The following STK32A variants were observed in gnomAD, a reference collection of about 807,000 sequenced individuals.
STK32A encodes serine/threonine-protein kinase 32A.
STK32A carries 41 observed loss-of-function variants against 53.2 expected under a neutral mutation model. That is an observed-to-expected ratio of 0.77 (90% confidence interval 0.60 to 1.00). The LOEUF (loss-of-function observed/expected upper bound fraction) is 1.00. Among genes scored for constraint, STK32A ranks in the 50% least tolerant of loss-of-function variants. The pLI is 0.00. For synonymous variants in STK32A, 166 were observed against 162.8 expected (o/e 1.02, Z -0.15); for missense variants, 458 against 485.8 (o/e 0.94, Z 0.54).
chr5:147,272,012 G>C (rs1382831928), intron 2 of STK32A, among the ~76,000 whole-genome samples: 4 of 152,094 alleles, frequency 2.6e-5, no homozygotes, highest in African/African-American at 9.7e-5. Flanking sequence ...TGGTTTTACA[G>C]CTCGGGGGCA....
At chr5:147,302,832 C>G (rs115779465) in intron 4 of STK32A, among the ~76,000 whole-genome samples, 159 of 152,194 alleles carry the variant, frequency 1.0e-3, no homozygotes, top group African/African-American at 3.6e-3. Context: ...TTATTTTATA[C>G]TTATATTATT....
At chr5:147,340,077 C>T (rs1755330245) in intron 5 of STK32A, among the ~76,000 whole-genome samples, 1 of 152,140 alleles carries the variant, frequency 6.6e-6, no homozygotes, top group African/African-American at 2.4e-5. Flanking sequence ...TGTCATGGTG[C>T]TAGTGAGAGT....
intron 4 of STK32A, among the ~76,000 whole-genome samples, chr5:147,285,269 G>A (rs528635692): frequency 5.4e-4 from 82 of 152,224 alleles, no homozygotes; most frequent in African/African-American, 1.8e-3. Context: ...AATGAAACTG[G>A]ATCGTCATCT....
intron 11 of STK32A, among the ~76,000 whole-genome samples, chr5:147,380,365 C>T (rs1469076707): frequency 1.3e-5 from 2 of 152,046 alleles, no homozygotes. Context: ...TCTTGTTCCC[C>T]ATCTCTCTTC....
intron 5 of STK32A, among the ~76,000 whole-genome samples, chr5:147,338,097 T>C (rs983697136): frequency 5.9e-5 from 9 of 152,208 alleles, no homozygotes; most frequent in Admixed American, 2.6e-4. Flanking sequence ...GCTTATGATA[T>C]GGATGTGTTT....
chr5:147,360,967 G>A (rs1756479152), intron 7 of STK32A, among the ~76,000 whole-genome samples: 1 of 152,126 alleles, frequency 6.6e-6, no homozygotes, highest in Non-Finnish European at 1.5e-5. Context: ...AGAACCCACA[G>A]CTGTTGTAAA....
chr5:147,238,766 T>C (rs919777005), intron 1 of STK32A, among the ~76,000 whole-genome samples: 6 of 151,646 alleles, frequency 4.0e-5, no homozygotes, highest in Non-Finnish European at 1.5e-5. Context: ...ATGCATATCA[T>C]AGATTTATGT....
At chr5:147,292,333 A>G (rs1386095615) in intron 4 of STK32A, among the ~76,000 whole-genome samples, 2 of 152,250 alleles carry the variant, frequency 1.3e-5, no homozygotes, top group African/African-American at 4.8e-5. Flanking sequence ...GTACTGTTAC[A>G]GAAGAAAACA....
chr5:147,272,527 A>G (rs991050902), intron 2 of STK32A, among the ~76,000 whole-genome samples: 1 of 152,244 alleles, frequency 6.6e-6, no homozygotes, highest in African/African-American at 2.4e-5. Context: ...TTATACAGAA[A>G]GGGTTTAACA....
At chr5:147,283,441 G>T (rs74827847) in intron 4 of STK32A, among the ~76,000 whole-genome samples, 1 of 142,020 alleles carries the variant, frequency 7.0e-6, no homozygotes, top group African/African-American at 2.6e-5. Context: ...AAATAACCAA[G>T]ATCAAAGCAG....
At chr5:147,253,888 G>T (rs924082674) in intron 2 of STK32A, among the ~76,000 whole-genome samples, 1 of 152,102 alleles carries the variant, frequency 6.6e-6, no homozygotes, top group Non-Finnish European at 1.5e-5. Flanking sequence ...TGATAGCAAA[G>T]AATTTCAATG....
chr5:147,310,878 T>C (rs1441209926), intron 4 of STK32A, among the ~76,000 whole-genome samples: 1 of 152,114 alleles, frequency 6.6e-6, no homozygotes, highest in African/African-American at 2.4e-5. Context: ...GCAAAATTTC[T>C]CCCTTGAGAA....
chr5:147,275,660 A>G (rs1038083921), intron 2 of STK32A, among the ~76,000 whole-genome samples: 1 of 152,088 alleles, frequency 6.6e-6, no homozygotes, highest in African/African-American at 2.4e-5. Flanking sequence ...TGGCTTTCCC[A>G]TTAGATTGTA....
At chr5:147,251,927 G>A (rs983811820) in intron 2 of STK32A, among the ~76,000 whole-genome samples, 1 of 152,142 alleles carries the variant, frequency 6.6e-6, no homozygotes, top group African/African-American at 2.4e-5. Flanking sequence ...TATGAGCCAG[G>A]TGAAGTGGAT....
intron 5 of STK32A, among the ~76,000 whole-genome samples, chr5:147,340,795 A>G (rs1755366635): frequency 6.6e-6 from 1 of 152,148 alleles, no homozygotes; most frequent in African/African-American, 2.4e-5. Flanking sequence ...TTCTTTACGA[A>G]GCTTTCTCAT....
At chr5:147,289,308 A>G (rs1188749742) in intron 4 of STK32A, among the ~76,000 whole-genome samples, 2 of 152,194 alleles carry the variant, frequency 1.3e-5, no homozygotes, top group Admixed American at 6.5e-5. Flanking sequence ...CTTAAGAAGC[A>G]TTGTATTATT....
downstream of STK32A, among the ~76,000 whole-genome samples, chr5:147,389,501 C>G (rs1010324679): frequency 1.4e-4 from 22 of 152,146 alleles, no homozygotes; most frequent in African/African-American, 5.1e-4. Flanking sequence ...TTAGCGGGAA[C>G]TATTGAGGGA....
At chr5:147,377,395 C>T (rs1757274716) in intron 11 of STK32A, among the ~76,000 whole-genome samples, 1 of 152,074 alleles carries the variant, frequency 6.6e-6, no homozygotes, top group Admixed American at 6.6e-5. Flanking sequence ...CTCTAGAAAG[C>T]TCAATGTTTG....
At chr5:147,395,505 A>G in the STK32A span, 1 of 1,558,962 alleles carries the variant, frequency 6.4e-7, no homozygotes, top group South Asian at 1.2e-5. Context: ...GCCTCAGAAC[A>G]TTGATCTTCC....
Sources: gnomAD v4.1 joint callset for allele counts (sites outside exome capture counted in the v4.1 genomes callset) on GRCh38, gnomAD v4.1.1 for gene constraint, MANE v1.5 for transcripts, NCBI Gene and HGNC (gene_info 2026-07-23, HGNC 2026-07-21) for gene names.